RANBP2: variants seen among roughly 807,000 people sequenced by gnomAD.
RANBP2 encodes E3 SUMO-protein ligase RanBP2.
In RANBP2, 57 loss-of-function variants were observed where a neutral mutation model predicts 303.6. That is an observed-to-expected ratio of 0.19 (90% CI 0.15 to 0.23). The LOEUF is 0.23. RANBP2 is among the 10% of genes least tolerant of loss of function. RANBP2 has a pLI of 1.00. For missense variants in RANBP2, 3,138 were observed against 3,780.8 expected (o/e 0.83, Z 4.46); for synonymous variants, 1,167 against 1,301.5 (o/e 0.90, Z 2.23).
chr2:108,840,143 T>C, the RANBP2 span, among the ~76,000 whole-genome samples: 1 of 152,182 alleles, frequency 6.6e-6, no homozygotes, highest in Non-Finnish European at 1.5e-5. Context: ...CTTGTTAATA[T>C]GAATTACATT....
the RANBP2 span, among the ~76,000 whole-genome samples, chr2:108,880,211 A>G: frequency 1.6e-4 from 1 of 6,204 alleles, no homozygotes; most frequent in African/African-American, 9.2e-4. Flanking sequence ...AAACAACAAC[A>G]AACAAAAACA....
At chr2:108,792,326 C>T in the RANBP2 span, among the ~76,000 whole-genome samples, 4 of 152,188 alleles carry the variant, frequency 2.6e-5, no homozygotes, top group South Asian at 6.2e-4. Context: ...CCTTTGTTTT[C>T]CTTTGTCCCA....
At chr2:108,813,478 G>A in the RANBP2 span, among the ~76,000 whole-genome samples, 4 of 152,102 alleles carry the variant, frequency 2.6e-5, no homozygotes, top group African/African-American at 9.6e-5. Flanking sequence ...TTTCAGGTAC[G>A]TATCATTGAC....
At chr2:108,913,331 C>T in the RANBP2 span, among the ~76,000 whole-genome samples, 1 of 152,126 alleles carries the variant, frequency 6.6e-6, no homozygotes, top group Non-Finnish European at 1.5e-5. Context: ...TTGCAAGCCT[C>T]ACCAACTCAA....
At chr2:108,877,022 T>A in the RANBP2 span, among the ~76,000 whole-genome samples, 2 of 152,190 alleles carry the variant, frequency 1.3e-5, no homozygotes, top group Non-Finnish European at 2.9e-5. Context: ...ATGATCAGTG[T>A]ATAATCTCAG....
chr2:108,722,037 A>ATT (rs754633212), intron 1 of RANBP2, among the ~76,000 whole-genome samples: 2 of 136,672 alleles, frequency 1.5e-5, no homozygotes, highest in Non-Finnish European at 3.2e-5. Context: ...GCTCAGCCTG[A>ATT]TTTTTTTTTT....
chr2:109,472,954 T>A, the RANBP2 span, among the ~76,000 whole-genome samples: 1 of 152,202 alleles, frequency 6.6e-6, no homozygotes, highest in Non-Finnish European at 1.5e-5. Context: ...TTTAAATGAA[T>A]GAATGTGGTG....
At chr2:109,168,438 C>G in the RANBP2 span, among the ~76,000 whole-genome samples, 2 of 152,124 alleles carry the variant, frequency 1.3e-5, no homozygotes, top group Non-Finnish European at 2.9e-5. Flanking sequence ...CCTGTGCTTG[C>G]GAGATGGGCT....
the RANBP2 span, among the ~76,000 whole-genome samples, chr2:109,252,227 G>A: frequency 1.4e-5 from 2 of 147,402 alleles, no homozygotes; most frequent in African/African-American, 5.1e-5. Context: ...CAGCCCAGGT[G>A]ACACAGTGAG....
the RANBP2 span, among the ~76,000 whole-genome samples, chr2:109,750,784 C>A: frequency 0.013 from 843 of 67,234 alleles, 41 homozygotes; most frequent in African/African-American, 0.045. Flanking sequence ...AGTGCACTGG[C>A]GTGATCTCGT....
In RANBP2 at chr2:108,749,024, T is replaced by G. The variant is rs758874401; in HGVS notation, c.1168T>G (p.Phe390Val). Residue 390 changes from phenylalanine to valine, a missense_variant, in exon 9 of 29, where the codon TTT becomes GTT. Around this residue, in one of 20 missense-constraint regions of RANBP2, gnomAD observed 95 missense variants for 86.4 expected, o/e 1.10. Transcript: ENST00000283195. ...GCAGTCTGCATTATATGATGCTCTG[T>G]TTTCTAGTCAGTCACCTAAGGATAC... ...SGQSALYDAL[F>V]SSQSPKDTSF... 1.9e-6 allele frequency: 3 copies of G among 1,612,008 alleles called. No homozygotes were observed. The East Asian group carries it at 6.7e-5, about 36-fold the overall frequency.
chr2:109,339,765 T>C, the RANBP2 span, among the ~76,000 whole-genome samples: 1 of 152,260 alleles, frequency 6.6e-6, no homozygotes, highest in African/African-American at 2.4e-5. Flanking sequence ...TGGGATCTCT[T>C]CCCAGAAAGT....
the RANBP2 span, chr2:109,552,794 GA>G: frequency 3.6e-6 from 1 of 276,218 alleles, no homozygotes; most frequent in Non-Finnish European, 6.7e-6. Flanking sequence ...TTTCATGAAA[GA>G]AAAATGTGTG....
the RANBP2 span, among the ~76,000 whole-genome samples, chr2:109,179,189 G>A: frequency 1.4e-4 from 22 of 152,270 alleles, no homozygotes; most frequent in South Asian, 3.1e-3. Flanking sequence ...TTGCAGCTGC[G>A]TGGAAATTGA....
the RANBP2 span, among the ~76,000 whole-genome samples, chr2:109,381,756 G>T: frequency 1.1e-4 from 16 of 152,254 alleles, no homozygotes; most frequent in Middle Eastern, 3.4e-3. Flanking sequence ...TGGAACGAAG[G>T]TGCTCTCGCT....
intron 8 of RANBP2, 89 bp from the exon 9 acceptor site, chr2:108,748,831 T>C: frequency 6.2e-7 from 1 of 1,610,402 alleles, no homozygotes; most frequent in Non-Finnish European, 8.5e-7. Flanking sequence ...AATCATGTTA[T>C]TTCCCCTTTG....
chr2:108,896,772 C>T, the RANBP2 span: 3 of 861,312 alleles, frequency 3.5e-6, no homozygotes, highest in East Asian at 5.3e-5. Flanking sequence ...CGTCTGGCTC[C>T]TTGAACATCC....
At chr2:108,903,621 CAA>C in the RANBP2 span, among the ~76,000 whole-genome samples, 1 of 151,954 alleles carries the variant, frequency 6.6e-6, no homozygotes, top group Admixed American at 6.6e-5. Flanking sequence ...TGATTTTTGA[CAA>C]AGTTTGAAAA....
chr2:108,788,302 C>G (rs1679267888), downstream of RANBP2, among the ~76,000 whole-genome samples: 1 of 152,042 alleles, frequency 6.6e-6, no homozygotes, highest in Non-Finnish European at 1.5e-5. Context: ...CGCCTGTAAT[C>G]CCAACTGCTG....
Sources: allele counts gnomAD v4.1 joint callset (sites outside exome capture counted in the v4.1 genomes callset), GRCh38; gene constraint gnomAD v4.1.1; regional missense constraint gnomAD v4.1.1; transcripts MANE v1.5; gene names NCBI Gene and HGNC (gene_info 2026-07-23, HGNC 2026-07-21).